Variants in PACRG observed in about 807,000 individuals in gnomAD.
PACRG encodes parkin coregulated gene protein.
A neutral mutation model predicts 29.7 loss-of-function variants in PACRG; 29 were observed. The observed-to-expected ratio is 0.98, with a 90% confidence interval of 0.73 to 1.33. The LOEUF (loss-of-function observed/expected upper bound fraction) is 1.33, where lower values mean the gene tolerates loss of function less well. Among genes scored for constraint, PACRG ranks in the 40% most tolerant of loss-of-function variants. The pLI, the probability that PACRG is intolerant of heterozygous loss-of-function variation, is 0.00. For missense variants in PACRG, 279 were observed against 316.2 expected (o/e 0.88, Z 0.89); for synonymous variants, 116 against 118.7 (o/e 0.98, Z 0.15).
intron 2 of PACRG, among the ~76,000 whole-genome samples, chr6:162,968,568 C>G (rs117864403): frequency 2.0e-5 from 3 of 152,306 alleles, no homozygotes; most frequent in Non-Finnish European, 4.4e-5. Context: ...TCTGAGTTAA[C>G]TTCCTGCTTT....
chr6:162,736,794 A>G (rs1358020963), intron 1 of PACRG, among the ~76,000 whole-genome samples: 1 of 152,098 alleles, frequency 6.6e-6, no homozygotes, highest in Non-Finnish European at 1.5e-5. Flanking sequence ...ATAGATTGCA[A>G]TGTACATAAT....
chr6:162,769,962 A>C, intron 1 of PACRG, among the ~76,000 whole-genome samples: 1 of 152,058 alleles, frequency 6.6e-6, no homozygotes. Flanking sequence ...CCTAGATTTT[A>C]AAAATGATAA....
At chr6:162,864,447 T>G (rs1792127171) in intron 2 of PACRG, among the ~76,000 whole-genome samples, 1 of 152,082 alleles carries the variant, frequency 6.6e-6, no homozygotes, top group Non-Finnish European at 1.5e-5. Context: ...CACCTAGAAT[T>G]CTGTTGATCC....
At chr6:163,062,361 G>A in intron 3 of PACRG, 40 bp downstream of exon 3, 1 of 1,553,386 alleles carries the variant, frequency 6.4e-7, no homozygotes, top group Non-Finnish European at 8.7e-7. Flanking sequence ...AGTTTATACG[G>A]TGTTGCTTTT....
At chr6:162,852,016 G>GAAGGA (rs766328898) in intron 2 of PACRG, among the ~76,000 whole-genome samples, 64 of 142,006 alleles carry the variant, frequency 4.5e-4, no homozygotes, top group Non-Finnish European at 7.4e-4. Context: ...AGGAAGGAAG[G>GAAGGA]AAGGAAGGAA....
intron 4 of PACRG, among the ~76,000 whole-genome samples, chr6:163,284,863 T>C (rs1248359929): frequency 1.3e-5 from 2 of 152,124 alleles, no homozygotes; most frequent in Non-Finnish European, 2.9e-5. Flanking sequence ...CAGGTATCCC[T>C]CTCTCTCACT....
chr6:162,810,461 G>A (rs1786757788), intron 1 of PACRG, among the ~76,000 whole-genome samples: 2 of 152,162 alleles, frequency 1.3e-5, no homozygotes. Context: ...ATCAACAGGT[G>A]CCAACAACAA....
chr6:163,137,966 C>T (rs1310019976), intron 4 of PACRG, among the ~76,000 whole-genome samples: 1 of 152,200 alleles, frequency 6.6e-6, no homozygotes, highest in Non-Finnish European at 1.5e-5. Context: ...GGTGAGGAAG[C>T]CACGGCTCAG....
intron 4 of PACRG, among the ~76,000 whole-genome samples, chr6:163,114,053 C>T (rs1311572760): frequency 6.6e-6 from 1 of 152,120 alleles, no homozygotes; most frequent in Non-Finnish European, 1.5e-5. Flanking sequence ...AGTTTGAGAC[C>T]AGCCTGGCCA....
chr6:163,271,670 T>G (rs1309342089), intron 4 of PACRG, among the ~76,000 whole-genome samples: 1 of 152,224 alleles, frequency 6.6e-6, no homozygotes, highest in African/African-American at 2.4e-5. Context: ...GTATGTATGT[T>G]TGCCCGCATA....
At chr6:163,048,228 A>T (rs1007595307) in intron 2 of PACRG, among the ~76,000 whole-genome samples, 3 of 145,844 alleles carry the variant, frequency 2.1e-5, no homozygotes, top group Non-Finnish European at 2.9e-5. Context: ...TTGAATAAAA[A>T]TAATAACTTT....
chr6:163,097,171 C>T (rs1039915489), intron 4 of PACRG, among the ~76,000 whole-genome samples: 6 of 152,306 alleles, frequency 3.9e-5, no homozygotes, highest in Non-Finnish European at 5.9e-5. Context: ...GTTCTGTTTT[C>T]GATTGGCCCT....
intron 4 of PACRG, chr6:163,100,694 C>A (rs1815031354): frequency 1.3e-6 from 1 of 765,144 alleles, no homozygotes; most frequent in Non-Finnish European, 1.6e-6. Context: ...GAGAAATGTT[C>A]CTCTTAGTAT....
chr6:162,885,776 G>A (rs1794287451), intron 2 of PACRG, among the ~76,000 whole-genome samples: 1 of 151,988 alleles, frequency 6.6e-6, no homozygotes, highest in East Asian at 1.9e-4. Flanking sequence ...GTGCATGTGT[G>A]TGTGTGTGTG....
chr6:162,728,288 C>G lies in PACRG; in HGVS notation c.53C>G (p.Pro18Arg). 6.2e-7 allele frequency: 1 copy of G among 1,613,940 alleles called. No individual in the cohort carries two copies. Among genetic ancestry groups the G allele is most frequent in the Non-Finnish European group, 8.5e-7 (1 of 1,180,022 alleles). ...TTAAACAAATGCCCAGACAAGATGCCGAAGAGGACCAAGCTGCTGGCACAA... is the reference window on the plus strand; with the variant it reads ...TTAAACAAATGCCCAGACAAGATGCGGAAGAGGACCAAGCTGCTGGCACAA... ...LSLNKCPDKM[P>R]KRTKLLAQQP... Residue 18 changes from proline (P) to arginine (R), a missense_variant, in exon 1 of 5, where the codon CCG becomes CGG. By Grantham distance (103) the Pro-to-Arg change is moderately radical (BLOSUM62 -2). Coordinates refer to ENST00000366888, the MANE Select transcript of PACRG (RefSeq NM_001080379.2).
chr6:163,022,709 C>T (rs889636718), intron 2 of PACRG, among the ~76,000 whole-genome samples: 5 of 152,208 alleles, frequency 3.3e-5, no homozygotes, highest in African/African-American at 9.6e-5. Flanking sequence ...TTGCCATTTT[C>T]CTCACAGTAT....
intron 4 of PACRG, among the ~76,000 whole-genome samples, chr6:163,108,194 A>G (rs471261): frequency 0.48 from 72,050 of 151,530 alleles, 18,115 homozygotes; most frequent in African/African-American, 0.65. Context: ...TCTCATGATG[A>G]TGAGTGAGCT....
intron 2 of PACRG, among the ~76,000 whole-genome samples, chr6:162,974,455 T>G (rs896529827): frequency 2.0e-5 from 3 of 152,232 alleles, no homozygotes; most frequent in African/African-American, 7.2e-5. Context: ...TTGCTTATAT[T>G]TCTTTATAGT....
chr6:163,294,868 T>A (rs2128188216), intron 4 of PACRG, among the ~76,000 whole-genome samples: 1 of 152,340 alleles, frequency 6.6e-6, no homozygotes, highest in South Asian at 2.1e-4. Flanking sequence ...ATATCACAAC[T>A]GAATTTCTCA....
Sources: gnomAD v4.1 joint callset for allele counts (sites outside exome capture counted in the v4.1 genomes callset) on GRCh38, gnomAD v4.1.1 for gene constraint, MANE v1.5 for transcripts, NCBI Gene and HGNC (gene_info 2026-07-23, HGNC 2026-07-21) for gene names.